The following NLGN1 variants were observed in gnomAD, a reference collection of about 807,000 sequenced individuals.
NLGN1 encodes neuroligin-1.
Under a neutral mutation model 65.5 loss-of-function variants are expected in NLGN1, and 12 were observed. That is an observed-to-expected ratio of 0.18 (90% CI 0.12 to 0.30). The LOEUF is 0.30. Among genes scored for constraint, NLGN1 ranks in the 10% least tolerant of loss-of-function variants. NLGN1 has a pLI of 1.00. For synonymous variants in NLGN1, 350 were observed against 359.5 expected, an observed-to-expected ratio of 0.97 and a Z score of 0.30; for missense variants, 750 against 1,007.1, an observed-to-expected ratio of 0.74 and a Z score of 3.46.
chr3:173,463,122 T>C (rs1723685574), intron 2 of NLGN1, among the ~76,000 whole-genome samples: 1 of 152,198 alleles, frequency 6.6e-6, no homozygotes, highest in African/African-American at 2.4e-5. Flanking sequence ...TTCCAGACTA[T>C]GGGCTAGAGA....
chr3:173,641,506 C>T (rs759588351), intron 3 of NLGN1, among the ~76,000 whole-genome samples: 19 of 151,910 alleles, frequency 1.3e-4, no homozygotes, highest in Non-Finnish European at 1.9e-4. Context: ...CATGTTGGCC[C>T]GGCTGGTCTC....
intron 3 of NLGN1, among the ~76,000 whole-genome samples, chr3:173,618,677 G>T (rs1753516472): frequency 6.6e-6 from 1 of 152,146 alleles, no homozygotes; most frequent in Non-Finnish European, 1.5e-5. Flanking sequence ...TTTGAGTATG[G>T]TGGAAAATGG....
chr3:173,578,011 T>G (rs1208640323), intron 2 of NLGN1, among the ~76,000 whole-genome samples: 1 of 151,974 alleles, frequency 6.6e-6, no homozygotes, highest in Non-Finnish European at 1.5e-5. Flanking sequence ...CTGAGGCAGG[T>G]GGATCACGAG....
intron 4 of NLGN1, among the ~76,000 whole-genome samples, chr3:174,221,885 G>T (rs1738731863): frequency 6.6e-6 from 1 of 151,952 alleles, no homozygotes; most frequent in Non-Finnish European, 1.5e-5. Context: ...CTGTGTCTCT[G>T]TGTCGGATCT....
chr3:174,109,284 C>T (rs547667748), intron 4 of NLGN1, among the ~76,000 whole-genome samples: 52 of 151,856 alleles, frequency 3.4e-4, no homozygotes, highest in South Asian at 4.2e-4. Flanking sequence ...AGTTCCTTTT[C>T]CTTCAGTTTT....
intron 4 of NLGN1, among the ~76,000 whole-genome samples, chr3:174,049,631 A>G (rs949117435): frequency 3.3e-5 from 5 of 152,058 alleles, no homozygotes; most frequent in African/African-American, 1.2e-4. Context: ...GTAAAAATGG[A>G]TTATGGTGTT....
chr3:173,659,949 C>CA (rs1484400854), intron 3 of NLGN1, among the ~76,000 whole-genome samples: 1 of 151,942 alleles, frequency 6.6e-6, no homozygotes, highest in Non-Finnish European at 1.5e-5. Context: ...TCCTGAAAGT[C>CA]ATAGGTGTTT....
intron 4 of NLGN1, among the ~76,000 whole-genome samples, chr3:174,030,960 C>T (rs1729904710): frequency 6.6e-6 from 1 of 152,152 alleles, no homozygotes; most frequent in African/African-American, 2.4e-5. Context: ...ATCTTAAGTA[C>T]CTGAACACCA....
At chr3:174,076,431 T>G (rs1371357512) in intron 4 of NLGN1, among the ~76,000 whole-genome samples, 2 of 152,142 alleles carry the variant, frequency 1.3e-5, no homozygotes, top group East Asian at 1.9e-4. Context: ...TGCCATTTCC[T>G]GAACACTCAC....
chr3:173,540,918 C>G (rs1453458301), intron 2 of NLGN1, among the ~76,000 whole-genome samples: 1 of 152,132 alleles, frequency 6.6e-6, no homozygotes. Flanking sequence ...TCAACCTTTT[C>G]TCTGCTCTTG....
At chr3:173,753,379 A>C (rs1776593347) in intron 3 of NLGN1, among the ~76,000 whole-genome samples, 2 of 152,154 alleles carry the variant, frequency 1.3e-5, no homozygotes, top group Admixed American at 1.3e-4. Flanking sequence ...TCTTGGTTAA[A>C]GCAACTCCAA....
chr3:174,133,760 A>C (rs1239139338), intron 4 of NLGN1, among the ~76,000 whole-genome samples: 2 of 152,128 alleles, frequency 1.3e-5, no homozygotes, highest in Non-Finnish European at 2.9e-5. Context: ...AGATTGTCGG[A>C]AGTCCCATAA....
At chr3:174,121,923 A>G (rs1485538733) in intron 4 of NLGN1, among the ~76,000 whole-genome samples, 1 of 152,170 alleles carries the variant, frequency 6.6e-6, no homozygotes, top group East Asian at 1.9e-4. Context: ...CTATTCTTGC[A>G]CTTGTCATTT....
intron 4 of NLGN1, among the ~76,000 whole-genome samples, chr3:174,252,716 T>C (rs185144267): frequency 6.6e-5 from 10 of 152,260 alleles, no homozygotes; most frequent in Admixed American, 6.5e-4. Flanking sequence ...GTTCTCAAAT[T>C]TTAGGATACA....
intron 3 of NLGN1, among the ~76,000 whole-genome samples, chr3:173,762,182 G>C (rs1778053413): frequency 6.6e-6 from 1 of 152,026 alleles, no homozygotes; most frequent in Non-Finnish European, 1.5e-5. Flanking sequence ...CTCTTAATAA[G>C]AAAGGAAACA....
chr3:174,246,928 A>G (rs1577568017), intron 4 of NLGN1, among the ~76,000 whole-genome samples: 1 of 152,174 alleles, frequency 6.6e-6, no homozygotes, highest in East Asian at 1.9e-4. Flanking sequence ...AACTAATCCA[A>G]CCTAAACACC....
chr3:173,501,307 A>T (rs974294308), intron 2 of NLGN1, among the ~76,000 whole-genome samples: 1 of 151,920 alleles, frequency 6.6e-6, no homozygotes, highest in African/African-American at 2.4e-5. Context: ...TCCATGTGTC[A>T]ATGTGTTCTC....
At chr3:174,271,561 G>C (rs746572992) in intron 4 of NLGN1, among the ~76,000 whole-genome samples, 2 of 151,644 alleles carry the variant, frequency 1.3e-5, no homozygotes, top group Non-Finnish European at 3.0e-5. Flanking sequence ...TTTCAGGCCT[G>C]GTTATTTTTC....
chr3:173,985,458 A>G (rs1280447687), intron 4 of NLGN1, among the ~76,000 whole-genome samples: 1 of 152,190 alleles, frequency 6.6e-6, no homozygotes, highest in African/African-American at 2.4e-5. Context: ...TTCTAGTGCC[A>G]GGAGAGAGAC....
Sources: gnomAD v4.1 joint callset for allele counts (sites outside exome capture counted in the v4.1 genomes callset) on GRCh38, gnomAD v4.1.1 for gene constraint, MANE v1.5 for transcripts, NCBI Gene and HGNC (gene_info 2026-07-23, HGNC 2026-07-21) for gene names.